Variants in SPMIP2 observed in about 807,000 individuals in gnomAD.
SPMIP2 encodes the protein sperm microtubule inner protein 2.
chr4:158,946,802 T>G, the SPMIP2 span, among the ~76,000 whole-genome samples: 3 of 152,244 alleles, frequency 2.0e-5, no homozygotes, highest in African/African-American at 7.2e-5. Flanking sequence ...TATTAGGCTG[T>G]TTCTATCCCA....
At chr4:158,962,423 T>G in the SPMIP2 span, among the ~76,000 whole-genome samples, 1 of 152,144 alleles carries the variant, frequency 6.6e-6, no homozygotes, top group East Asian at 1.9e-4. Context: ...TTCTCACCCA[T>G]AGAACGAATA....
chr4:159,055,827 A>C, the SPMIP2 span, among the ~76,000 whole-genome samples: 1 of 152,216 alleles, frequency 6.6e-6, no homozygotes, highest in African/African-American at 2.4e-5. Flanking sequence ...TTTGAATTTC[A>C]GGGTGGATAC....
the SPMIP2 span, among the ~76,000 whole-genome samples, chr4:158,970,578 T>C: frequency 6.6e-6 from 1 of 151,802 alleles, no homozygotes; most frequent in Admixed American, 6.6e-5. Context: ...TGATCTGCCT[T>C]AGATGGAAAG....
At chr4:158,984,347 C>G in the SPMIP2 span, among the ~76,000 whole-genome samples, 1 of 147,514 alleles carries the variant, frequency 6.8e-6, no homozygotes, top group Non-Finnish European at 1.5e-5. Context: ...CAGCACCACA[C>G]CTCACCTATT....
At chr4:158,986,222 T>C in the SPMIP2 span, among the ~76,000 whole-genome samples, 14 of 151,964 alleles carry the variant, frequency 9.2e-5, no homozygotes, top group Non-Finnish European at 1.5e-4. Context: ...AGGTAATTTA[T>C]AGATTCAGTG....
At chr4:158,970,780 T>C in the SPMIP2 span, among the ~76,000 whole-genome samples, 1 of 152,150 alleles carries the variant, frequency 6.6e-6, no homozygotes, top group Admixed American at 6.5e-5. Flanking sequence ...GATTGTTATC[T>C]GAGACAGCTA....
At chr4:158,975,738 T>TCC in the SPMIP2 span, among the ~76,000 whole-genome samples, 1 of 152,230 alleles carries the variant, frequency 6.6e-6, no homozygotes, top group African/African-American at 2.4e-5. Flanking sequence ...GTGTAATGTC[T>TCC]CCAGCTTTGT....
chr4:159,006,757 T>C, the SPMIP2 span, among the ~76,000 whole-genome samples: 1 of 152,146 alleles, frequency 6.6e-6, no homozygotes, highest in African/African-American at 2.4e-5. Context: ...AGATTGCCAA[T>C]AACTTACTAA....
At chr4:158,930,056 C>T in the SPMIP2 span, among the ~76,000 whole-genome samples, 1 of 152,162 alleles carries the variant, frequency 6.6e-6, no homozygotes, top group African/African-American at 2.4e-5. Context: ...AGTATTCCTG[C>T]ATACTACAAA....
the SPMIP2 span, among the ~76,000 whole-genome samples, chr4:159,031,648 G>A: frequency 1.3e-5 from 2 of 152,084 alleles, no homozygotes; most frequent in East Asian, 1.9e-4. Flanking sequence ...GTGCAGTCAC[G>A]GCAATGTGAC....
At chr4:159,009,624 T>TG in the SPMIP2 span, among the ~76,000 whole-genome samples, 4 of 152,266 alleles carry the variant, frequency 2.6e-5, no homozygotes, top group South Asian at 8.3e-4. Flanking sequence ...AATCTTATCT[T>TG]CAAATGTCCC....
At chr4:159,024,535 AAAGGGAAACGGACTC>A in the SPMIP2 span, among the ~76,000 whole-genome samples, 108 of 152,288 alleles carry the variant, frequency 7.1e-4, no homozygotes, top group African/African-American at 1.5e-3. Flanking sequence ...GGAAGAAAGG[AAAGGGAAACGGACTC>A]AAGGGAAACG....
the SPMIP2 span, among the ~76,000 whole-genome samples, chr4:159,029,530 C>T: frequency 6.6e-6 from 1 of 152,120 alleles, no homozygotes; most frequent in Non-Finnish European, 1.5e-5. Context: ...TAATTGAAAG[C>T]TAAATAAATT....
At chr4:158,991,696 G>T in the SPMIP2 span, among the ~76,000 whole-genome samples, 1 of 152,168 alleles carries the variant, frequency 6.6e-6, no homozygotes, top group African/African-American at 2.4e-5. Flanking sequence ...GCATAGAATT[G>T]TCAGAGCATG....
chr4:159,073,506 T>C, the SPMIP2 span, among the ~76,000 whole-genome samples: 8 of 152,146 alleles, frequency 5.3e-5, no homozygotes, highest in African/African-American at 1.7e-4. Flanking sequence ...CAGGCTCTCT[T>C]TGACCAAAAA....
chr4:158,968,180 T>C, the SPMIP2 span, among the ~76,000 whole-genome samples: 49,779 of 151,668 alleles, frequency 0.33, 8,357 homozygotes, highest in South Asian at 0.44. Flanking sequence ...CAGGCGCCCA[T>C]CACCACGTCC....
chr4:159,050,795 G>GC, the SPMIP2 span, among the ~76,000 whole-genome samples: 2 of 120,910 alleles, frequency 1.7e-5, no homozygotes, highest in African/African-American at 3.1e-5. Context: ...GAACTCATCC[G>GC]TTAAAAAAAA....
chr4:158,914,704 T>C, the SPMIP2 span, among the ~76,000 whole-genome samples: 4 of 152,076 alleles, frequency 2.6e-5, no homozygotes, highest in African/African-American at 9.7e-5. Context: ...GATACCAAAA[T>C]CCCCATTTTA....
chr4:159,082,163 C>CA, the SPMIP2 span, among the ~76,000 whole-genome samples: 3,493 of 102,510 alleles, frequency 0.034, 56 homozygotes, highest in Non-Finnish European at 0.04. Flanking sequence ...GCTAAGAATG[C>CA]AAAAAAAAAA....
Sources: allele counts gnomAD v4.1 joint callset (sites outside exome capture counted in the v4.1 genomes callset), GRCh38; gene constraint gnomAD v4.1.1; transcripts MANE v1.5; gene names NCBI Gene and HGNC (gene_info 2026-07-23, HGNC 2026-07-21).